The following SEM1 variants were observed in gnomAD, a reference collection of about 807,000 sequenced individuals.
SEM1 encodes 26S proteasome complex subunit SEM1.
Under a neutral mutation model 12.7 loss-of-function variants are expected in SEM1, and 3 were observed. The ratio of observed to expected loss-of-function variants is 0.24; its 90% CI spans 0.11 to 0.61. The LOEUF is 0.61. Among genes scored for constraint, SEM1 ranks in the 20% least tolerant of loss-of-function variants. SEM1 has a pLI of 0.88. For missense variants in SEM1, 59 were observed against 81.3 expected, an observed-to-expected ratio of 0.73 and a Z score of 1.06; for synonymous variants, 30 against 27.8, an observed-to-expected ratio of 1.08 and a Z score of -0.25.
intron 2 of SEM1, among the ~76,000 whole-genome samples, chr7:96,589,385 A>AGG (rs1806757061): frequency 1.3e-5 from 2 of 152,170 alleles, no homozygotes; most frequent in African/African-American, 4.8e-5. Flanking sequence ...CGGTCACTGT[A>AGG]TGTGCTTCTT....
intron 2 of SEM1, among the ~76,000 whole-genome samples, chr7:96,600,319 T>G (rs1369935912): frequency 6.6e-6 from 1 of 152,144 alleles, no homozygotes; most frequent in African/African-American, 2.4e-5. Context: ...CTCCAGAATT[T>G]AGGAAATATT....
intron 2 of SEM1, among the ~76,000 whole-genome samples, chr7:96,527,241 T>C (rs1439274684): frequency 1.3e-5 from 2 of 152,124 alleles, no homozygotes; most frequent in African/African-American, 2.4e-5. Context: ...TGTTCTTGCC[T>C]TCCTTCCTAA....
chr7:96,685,130 C>A (rs1789723527), downstream of SEM1, among the ~76,000 whole-genome samples: 1 of 152,076 alleles, frequency 6.6e-6, no homozygotes, highest in Admixed American at 6.6e-5. Context: ...GTGCAGACGA[C>A]AACATGCTGT....
chr7:96,485,461 C>T (rs1802713106), intron 2 of SEM1, among the ~76,000 whole-genome samples: 1 of 151,838 alleles, frequency 6.6e-6, no homozygotes, highest in Non-Finnish European at 1.5e-5. Context: ...AGCCTCCTGC[C>T]TCCATTTATA....
downstream of SEM1, among the ~76,000 whole-genome samples, chr7:96,686,885 C>G (rs1412599236): frequency 6.6e-6 from 1 of 152,124 alleles, no homozygotes; most frequent in African/African-American, 2.4e-5. Context: ...TTGCAACCTA[C>G]TCATCTGACA....
chr7:96,622,572 G>A (rs766915489), exon 3 of SEM1: 5 of 763,502 alleles, frequency 6.5e-6, no homozygotes, highest in Non-Finnish European at 1.2e-5. Context: ...TTAGCTGCAT[G>A]ATCAATGTGA....
At chr7:96,577,525 A>T (rs924195856) in intron 2 of SEM1, among the ~76,000 whole-genome samples, 1 of 152,136 alleles carries the variant, frequency 6.6e-6, no homozygotes, top group African/African-American at 2.4e-5. Context: ...TTGCTATCTT[A>T]AACTTGGCTC....
chr7:96,515,695 C>T (rs916724805), intron 2 of SEM1, among the ~76,000 whole-genome samples: 7 of 152,088 alleles, frequency 4.6e-5, no homozygotes, highest in African/African-American at 1.7e-4. Context: ...ACTATGCAGC[C>T]ATAAAAAAGG....
intron 2 of SEM1, among the ~76,000 whole-genome samples, chr7:96,603,597 C>G (rs1398177615): frequency 6.6e-6 from 1 of 152,060 alleles, no homozygotes; most frequent in Non-Finnish European, 1.5e-5. Flanking sequence ...TTTCTGGTGC[C>G]AGACCCCACT....
intron 2 of SEM1, among the ~76,000 whole-genome samples, chr7:96,508,632 G>A (rs754005410): frequency 1.2e-4 from 19 of 152,108 alleles, no homozygotes; most frequent in Non-Finnish European, 2.4e-4. Context: ...CTTATCATGT[G>A]GTTAGCAATC....
At chr7:96,685,294 C>T (rs1041161211), downstream of SEM1, among the ~76,000 whole-genome samples, 8 of 152,016 alleles carry the variant, frequency 5.3e-5, no homozygotes, top group African/African-American at 1.9e-4. Context: ...ATTATTACAT[C>T]TACAATTTCA....
At chr7:96,697,119 T>C (rs752843637) in intron 1 of SEM1, 15 of 150,682 alleles carry the variant, frequency 1.0e-4, no homozygotes, top group Non-Finnish European at 1.9e-4. Context: ...ATCATGTAAA[T>C]AACCACAGCT....
At chr7:96,532,197 A>G (rs1237802378) in intron 2 of SEM1, among the ~76,000 whole-genome samples, 1 of 152,168 alleles carries the variant, frequency 6.6e-6, no homozygotes, top group Admixed American at 6.5e-5. Flanking sequence ...TTTTAAAAAA[A>G]TCATTAGTAT....
intron 1 of SEM1, among the ~76,000 whole-genome samples, chr7:96,700,950 T>C (rs1790253242): frequency 6.6e-6 from 1 of 152,162 alleles, no homozygotes; most frequent in Non-Finnish European, 1.5e-5. Flanking sequence ...TGGAAAAACA[T>C]TTAATGGCAA....
At chr7:96,681,214 C>A (rs1789601638) in intron 2 of SEM1, among the ~76,000 whole-genome samples, 1 of 152,100 alleles carries the variant, frequency 6.6e-6, no homozygotes, top group South Asian at 2.1e-4. Context: ...CTACATTGGG[C>A]TTTACAAGTA....
chr7:96,538,110 A>C (rs1037285831), intron 2 of SEM1, among the ~76,000 whole-genome samples: 1 of 151,690 alleles, frequency 6.6e-6, no homozygotes, highest in Non-Finnish European at 1.5e-5. Flanking sequence ...GACACTTATA[A>C]TTTCTTTAAT....
chr7:96,651,762 G>A (rs558812084), intron 2 of SEM1, among the ~76,000 whole-genome samples: 106 of 152,124 alleles, frequency 7.0e-4, no homozygotes, highest in African/African-American at 2.4e-3. Flanking sequence ...TAGTAGAGAC[G>A]GGGATTCACC....
intron 2 of SEM1, among the ~76,000 whole-genome samples, chr7:96,518,021 A>G (rs1804149733): frequency 6.6e-6 from 1 of 152,200 alleles, no homozygotes; most frequent in African/African-American, 2.4e-5. Context: ...TGATACAAGG[A>G]CAATTATCAT....
chr7:96,709,085 G>A (rs1246823975), intron 1 of SEM1, among the ~76,000 whole-genome samples: 1 of 152,112 alleles, frequency 6.6e-6, no homozygotes, highest in Non-Finnish European at 1.5e-5. Context: ...AAACTGCTGC[G>A]ATTACAGGCG....
Sources: gnomAD v4.1 joint callset for allele counts (sites outside exome capture counted in the v4.1 genomes callset) on GRCh38, gnomAD v4.1.1 for gene constraint, MANE v1.5 for transcripts, NCBI Gene and HGNC (gene_info 2026-07-23, HGNC 2026-07-21) for gene names.